Variants in NDUFS4 observed in about 807,000 individuals in gnomAD.
NDUFS4 encodes the protein NADH:ubiquinone oxidoreductase subunit S4, also known as NADH dehydrogenase [ubiquinone] iron-sulfur protein 4, mitochondrial.
In NDUFS4, 28 loss-of-function variants were observed where a neutral mutation model predicts 24.3. The observed-to-expected ratio is 1.15, with a 90% CI of 0.85 to 1.58. The LOEUF (loss-of-function observed/expected upper bound fraction) is 1.58, where lower values mean the gene tolerates loss of function less well. Ranked by LOEUF, NDUFS4 falls within the 40% of genes most tolerant of loss-of-function variation. The pLI is 0.00. For missense variants in NDUFS4, 223 were observed against 207.9 expected (o/e 1.07, Z -0.45); for synonymous variants, 93 against 69.7 (o/e 1.34, Z -1.67).
At chr5:53,681,354 T>G (rs1740658027) in intron 4 of NDUFS4, among the ~76,000 whole-genome samples, 1 of 152,152 alleles carries the variant, frequency 6.6e-6, no homozygotes, top group South Asian at 2.1e-4. Flanking sequence ...GGAAAAGTTC[T>G]TTCTCATAGA....
At chr5:53,661,822 C>G (rs538992740) in intron 4 of NDUFS4, among the ~76,000 whole-genome samples, 1 of 152,172 alleles carries the variant, frequency 6.6e-6, no homozygotes, top group East Asian at 1.9e-4. Context: ...TATAAGAATG[C>G]TTGTGGTTTT....
intron 4 of NDUFS4, 32 bp from the exon 5 acceptor site, chr5:53,683,086 T>G (rs772067792): frequency 2.9e-6 from 4 of 1,392,138 alleles, no homozygotes; most frequent in Non-Finnish European, 4.1e-6. Flanking sequence ...TAATTCTGTT[T>G]CTGTGGATTT....
chr5:53,640,843 C>T (rs983055131), intron 2 of NDUFS4, among the ~76,000 whole-genome samples: 4 of 152,070 alleles, frequency 2.6e-5, no homozygotes, highest in Admixed American at 6.6e-5. Context: ...TCTCCAGTTT[C>T]CCATGGAATA....
At chr5:53,620,916 C>T (rs1751014506) in intron 2 of NDUFS4, among the ~76,000 whole-genome samples, 1 of 152,124 alleles carries the variant, frequency 6.6e-6, no homozygotes, top group South Asian at 2.1e-4. Context: ...ATGCATTCTC[C>T]AGTTTTTGGG....
In NDUFS4 at chr5:53,614,468, T is replaced by A. The variant is rs966877151; in HGVS notation, c.177+10938T>A. Among the ~76,000 whole-genome samples the A allele has an allele frequency of 2.6e-5, 4 of 152,110 alleles. No homozygotes were observed. The East Asian group carries it at 7.7e-4, about 29-fold the overall frequency. ...CCCTACAGTATTCAGCCATCTCTAT[T>A]ATCTGTGATTCTTCAGCAATTAAAG... On this transcript the variant is annotated intron_variant, in intron 2 of 4. Coordinates refer to ENST00000296684, the MANE Select transcript of NDUFS4 (RefSeq NM_002495.4).
chr5:53,571,602 A>G (rs1024741262), intron 1 of NDUFS4, among the ~76,000 whole-genome samples: 8 of 152,208 alleles, frequency 5.3e-5, no homozygotes, highest in Non-Finnish European at 1.2e-4. Context: ...AGTAACTGTC[A>G]GACTGTTTTC....
intron 1 of NDUFS4, among the ~76,000 whole-genome samples, chr5:53,578,478 C>A (rs530636773): frequency 1.3e-5 from 2 of 152,152 alleles, no homozygotes; most frequent in African/African-American, 4.8e-5. Flanking sequence ...TTGAGCTACT[C>A]TATTGGACCC....
chr5:53,620,231 T>G (rs1208503198), intron 2 of NDUFS4, among the ~76,000 whole-genome samples: 3 of 152,230 alleles, frequency 2.0e-5, no homozygotes, highest in African/African-American at 7.2e-5. Context: ...GAGATATGGC[T>G]TTATTTTTAA....
intron 1 of NDUFS4, among the ~76,000 whole-genome samples, chr5:53,565,340 TATA>T (rs1401683796): frequency 6.6e-6 from 1 of 152,254 alleles, no homozygotes; most frequent in Non-Finnish European, 1.5e-5. Context: ...CTCTATTTTA[TATA>T]CACTCATATT....
intron 1 of NDUFS4, among the ~76,000 whole-genome samples, chr5:53,587,257 A>G (rs1369567039): frequency 6.6e-6 from 1 of 152,128 alleles, no homozygotes; most frequent in East Asian, 1.9e-4. Flanking sequence ...CATATTTAAG[A>G]AAATATATTA....
chr5:53,615,103 C>T (rs1317563732), intron 2 of NDUFS4, among the ~76,000 whole-genome samples: 1 of 151,728 alleles, frequency 6.6e-6, no homozygotes, highest in Non-Finnish European at 1.5e-5. Flanking sequence ...ATTTTACACT[C>T]TATTTGAATT....
intron 1 of NDUFS4, among the ~76,000 whole-genome samples, chr5:53,582,481 A>G (rs1749601899): frequency 6.6e-6 from 1 of 152,180 alleles, no homozygotes; most frequent in African/African-American, 2.4e-5. Context: ...AGTTCAGCTC[A>G]CATGTACATC....
In NDUFS4 at chr5:53,592,798, C is replaced by T. The variant is rs920929670; in HGVS notation, c.99-10654C>T. On this transcript the variant is annotated intron_variant, in intron 1 of 4. Transcript: ENST00000296684. ...TGCAGTGTGTAGTAAGTCTTAAAGT[C>T]GGGTAATAACAGTTTTCTGACTTCA... 3.9e-5 allele frequency among the ~76,000 whole-genome samples: 6 copies of T among 152,134 alleles called. No individual in the cohort carries two copies. The South Asian group carries it at 6.2e-4, about 16-fold the overall frequency.
intron 1 of NDUFS4, among the ~76,000 whole-genome samples, chr5:53,572,531 T>G (rs1032426520): frequency 6.6e-6 from 1 of 152,208 alleles, no homozygotes; most frequent in African/African-American, 2.4e-5. Flanking sequence ...AGTAAAAGTT[T>G]TAAATTTTGA....
chr5:53,681,487 C>G (rs1740663656), intron 4 of NDUFS4, among the ~76,000 whole-genome samples: 4 of 152,060 alleles, frequency 2.6e-5, no homozygotes, highest in Admixed American at 2.6e-4. Flanking sequence ...ACAAAGTTTT[C>G]TTATGCCCTT....
chr5:53,602,417 G>T (rs1229340578), intron 1 of NDUFS4, among the ~76,000 whole-genome samples: 1 of 152,016 alleles, frequency 6.6e-6, no homozygotes, highest in Non-Finnish European at 1.5e-5. Context: ...ATAATTGACA[G>T]ATATTTTAAA....
In NDUFS4 at chr5:53,571,466, A is replaced by G. The variant is rs375206844; in HGVS notation, c.98+10706A>G. Among the ~76,000 whole-genome samples, 13 of 152,366 alleles carry G rather than the reference A, an allele frequency of 8.5e-5. No homozygotes were observed. In the South Asian group the frequency reaches 2.7e-3, roughly 32 times the overall value. On this transcript the variant is annotated intron_variant, in intron 1 of 4. Transcript: ENST00000296684. The stretch of plus-strand genomic sequence containing the variant: ...TCTGGATTGTTTCTACCTTTTGGCT[A>G]CATGAATAGTGTTCTGTGGACATTC...
At chr5:53,670,870 CTAGAG>C (rs1486786458) in intron 4 of NDUFS4, among the ~76,000 whole-genome samples, 2 of 151,078 alleles carry the variant, frequency 1.3e-5, no homozygotes, top group East Asian at 2.0e-4. Context: ...TATAGTACCT[CTAGAG>C]TATAGTATAG....
At chr5:53,582,037 C>G (rs1243596769) in intron 1 of NDUFS4, among the ~76,000 whole-genome samples, 4 of 151,942 alleles carry the variant, frequency 2.6e-5, no homozygotes, top group Admixed American at 1.3e-4. Context: ...CGGTGAAACC[C>G]TGTCTCTACT....
Sources: gnomAD v4.1 joint callset for allele counts (sites outside exome capture counted in the v4.1 genomes callset) on GRCh38, gnomAD v4.1.1 for gene constraint, MANE v1.5 for transcripts, NCBI Gene and HGNC (gene_info 2026-07-23, HGNC 2026-07-21) for gene names.